The following F11 variants were observed in gnomAD, a reference collection of about 807,000 sequenced individuals.
The protein encoded by F11 is coagulation factor XI, also known as coagualtion factor XI.
F11 carries 78 observed loss-of-function variants against 76.5 expected under a neutral mutation model. The observed-to-expected ratio is 1.02, with a 90% CI of 0.85 to 1.23. F11 has a LOEUF of 1.23. Among genes scored for constraint, F11 ranks in the 50% most tolerant of loss-of-function variants. F11 has a pLI of 0.00. For missense variants in F11, 742 were observed against 771.4 expected (o/e 0.96, Z 0.45); for synonymous variants, 278 against 276.3 (o/e 1.01, Z -0.06).
At position 186,274,256 on chromosome 4, in the gene F11, T is replaced by C. The variant is rs142929551; in HGVS notation, c.466T>C (p.Phe156Leu). The C allele has an allele frequency of 1.2e-5, 20 of 1,614,196 alleles. No individual in the cohort carries two copies. The African/African-American group carries it at 2.5e-4, about 20-fold the overall frequency. ...CHFFTYATRQ[F>L]PSLEHRNICL... ...CTTTTTCACGTACGCCACAAGGCAGTTTCCCAGCCTGGAGCATCGGTGAGT... is the reference window on the plus strand; with the variant it reads ...CTTTTTCACGTACGCCACAAGGCAGCTTCCCAGCCTGGAGCATCGGTGAGT... The change falls in exon 5 of 15, where the codon TTT (phenylalanine) becomes CTT (leucine). Residue 156 changes from phenylalanine to leucine, a missense_variant. Coordinates refer to ENST00000403665, the MANE Select transcript of F11 (RefSeq NM_000128.4).
intron 10 of F11, chr4:186,282,112 T>A: frequency 1.7e-6 from 2 of 1,162,540 alleles, no homozygotes; most frequent in Non-Finnish European, 2.2e-6. Flanking sequence ...GAAGGGACAC[T>A]TAGCAAATGT....
At chr4:186,290,128 A>T (rs2126795050), downstream of F11, among the ~76,000 whole-genome samples, 1 of 151,848 alleles carries the variant, frequency 6.6e-6, no homozygotes, top group Admixed American at 6.5e-5. Flanking sequence ...CAAAATATAT[A>T]GGTTCAAGCT....
At position 186,268,468 on chromosome 4, in the gene F11, A is replaced by G. The variant is rs1739671119; in HGVS notation, c.55+1277A>G. Among the ~76,000 whole-genome samples, 6 of 152,302 alleles carry G rather than the reference A, an allele frequency of 3.9e-5. No individual in the cohort carries two copies. In the South Asian group the frequency reaches 1.2e-3, roughly 32 times the overall value. The stretch of plus-strand genomic sequence containing the variant: ...ACATTTACAAATATTGACCACACAC[A>G]AGCCTCTGAAACAAGGCTCAACAAA... On this transcript the variant is annotated intron_variant, in intron 2 of 14. Coordinates refer to ENST00000403665, the MANE Select transcript of F11 (RefSeq NM_000128.4).
intron 2 of F11, among the ~76,000 whole-genome samples, chr4:186,270,060 G>T (rs552102626): frequency 1.3e-5 from 2 of 152,248 alleles, no homozygotes; most frequent in South Asian, 4.1e-4. Context: ...CGGTAAGGAA[G>T]GGAAATAAAA....
chr4:186,288,191 C>T (rs1741357373), intron 14 of F11, among the ~76,000 whole-genome samples: 1 of 151,998 alleles, frequency 6.6e-6, no homozygotes, highest in Non-Finnish European at 1.5e-5. Context: ...GGATTACAGG[C>T]GTGAGCCACC....
At chr4:186,281,104 G>A (rs191693457) in intron 10 of F11, among the ~76,000 whole-genome samples, 14 of 152,102 alleles carry the variant, frequency 9.2e-5, no homozygotes, top group East Asian at 3.9e-4. Context: ...CAATCCTCCC[G>A]CTTTGGCCTC....
chr4:186,276,539 T>C (rs1740395604), intron 7 of F11, 149 bp downstream of exon 7: 1 of 779,956 alleles, frequency 1.3e-6, no homozygotes, highest in African/African-American at 1.8e-5. Flanking sequence ...TCTCCCTTTC[T>C]ATTCCCCACC....
chr4:186,280,673 G>A, intron 10 of F11, 93 bp downstream of exon 10: 1 of 1,112,944 alleles, frequency 9.0e-7, no homozygotes, highest in Non-Finnish European at 1.3e-6. Flanking sequence ...GCCACAGAAG[G>A]GAGAACATTC....
chr4:186,283,119 G>C, intron 10 of F11: 2 of 837,636 alleles, frequency 2.4e-6, no homozygotes, highest in Non-Finnish European at 2.9e-6. Context: ...AGAATTTCAG[G>C]ACCCACACAG....
At position 186,278,619 on chromosome 4, in the gene F11, C is replaced by T. The variant is rs554474523; in HGVS notation, c.756-1393C>T. 1.5e-3 allele frequency among the ~76,000 whole-genome samples: 234 copies of T among 152,160 alleles called. 1 individual carries two copies. The highest frequency in any genetic ancestry group is 2.1e-3 in the Non-Finnish European group (142 of 68,014). ...TCAGTGATAGCACCAAGACTTTTGG[C>T]CCAAGGAACTGGAAAGATGGAAATG... On this transcript the variant is annotated intron_variant, in intron 7 of 14. Transcript: ENST00000403665.
chr4:186,289,652 T>A lies in F11; in HGVS notation c.*1038T>A, dbSNP rs1741449090. Reference sequence around the variant, plus strand: ...TTGTCACCACATAGCTTTCAATCTGTGCCAACAACTATACAATTCATCAAG... The same window carrying A: ...TTGTCACCACATAGCTTTCAATCTGAGCCAACAACTATACAATTCATCAAG... On this transcript the variant is annotated 3_prime_UTR_variant, in exon 15 of 15. Transcript: ENST00000403665. Among the ~76,000 whole-genome samples, 1 of 151,824 alleles carries A rather than the reference T, an allele frequency of 6.6e-6. No individual in the cohort carries two copies.
intron 7 of F11, among the ~76,000 whole-genome samples, chr4:186,277,252 G>A (rs1580083045): frequency 6.6e-6 from 1 of 152,058 alleles, no homozygotes; most frequent in African/African-American, 2.4e-5. Context: ...TTTTTTTATG[G>A]CTAAGTAACA....
intron 10 of F11, chr4:186,282,218 T>C (rs1338467491): frequency 1.9e-6 from 2 of 1,064,312 alleles, no homozygotes; most frequent in Non-Finnish European, 2.3e-6. Flanking sequence ...CCTTCTTCAT[T>C]ATGGTTTTCT....
chr4:186,275,019 C>T (rs1276028156), intron 5 of F11: 1 of 259,960 alleles, frequency 3.8e-6, no homozygotes, highest in Non-Finnish European at 8.0e-6. Context: ...CGAGTTATTT[C>T]AAAAACAACA....
intron 2 of F11, among the ~76,000 whole-genome samples, chr4:186,267,625 G>A (rs575608628): frequency 6.6e-6 from 1 of 152,234 alleles, no homozygotes; most frequent in African/African-American, 2.4e-5. Context: ...TAACTACCCT[G>A]TTAATTCTCC....
chr4:186,266,394 A>G lies in F11; in HGVS notation c.-2+99A>G, dbSNP rs184810355. The G allele has an allele frequency of 2.7e-3, 411 of 152,364 alleles. 4 individuals carry two copies. Among genetic ancestry groups the G allele is most frequent in the African/African-American group, 9.4e-3 (390 of 41,586 alleles). The allele number at this position is 152,364 out of a possible 1,614,324, so 9.4% of individuals were successfully genotyped here. A position where few individuals can be genotyped will look rare whatever the true frequency, so the allele number is the denominator to read the frequency against. On this transcript the variant is annotated intron_variant, in intron 1 of 14. Transcript: ENST00000403665. ...GGAATTTAAAAACACTTTACAATAG[A>G]GAATGATTGATTTTTAAAATGTGTC...
At chr4:186,279,902 T>G in intron 7 of F11, 110 bp from the exon 8 acceptor site, 1 of 846,860 alleles carries the variant, frequency 1.2e-6, no homozygotes. Context: ...AATAGGAAAA[T>G]CTTCACAACT....
intron 6 of F11, 54 bp downstream of exon 6, chr4:186,275,950 A>G (rs1237487274): frequency 5.1e-6 from 7 of 1,370,248 alleles, no homozygotes; most frequent in Non-Finnish European, 7.2e-6. Context: ...GCTGATGATT[A>G]CAGTAGATCT....
chr4:186,285,028 T>G (rs1741079293), intron 11 of F11, among the ~76,000 whole-genome samples: 1 of 152,148 alleles, frequency 6.6e-6, no homozygotes, highest in Non-Finnish European at 1.5e-5. Context: ...CTTTCAGCGT[T>G]GGCCAAACAA....
Sources: allele counts gnomAD v4.1 joint callset (sites outside exome capture counted in the v4.1 genomes callset), GRCh38; gene constraint gnomAD v4.1.1; transcripts MANE v1.5; gene names NCBI Gene and HGNC (gene_info 2026-07-23, HGNC 2026-07-21).